The following SAMD5 variants were observed in gnomAD, a reference collection of about 807,000 sequenced individuals.
SAMD5 encodes the protein sterile alpha motif domain-containing protein 5.
SAMD5 carries 13 observed loss-of-function variants against 11.3 expected under a neutral mutation model. That is an observed-to-expected ratio of 1.15 (90% CI 0.75 to 1.83). The LOEUF is 1.83. SAMD5 is among the 40% of genes most tolerant of loss of function. The pLI, the probability that SAMD5 is intolerant of heterozygous loss-of-function variation, is 0.00. For synonymous variants in SAMD5, 129 were observed against 111.3 expected, an observed-to-expected ratio of 1.16 and a Z score of -1.00; for missense variants, 255 against 239.1, an observed-to-expected ratio of 1.07 and a Z score of -0.44.
the SAMD5 span, among the ~76,000 whole-genome samples, chr6:147,913,683 G>A: frequency 3.9e-5 from 6 of 152,246 alleles, no homozygotes; most frequent in South Asian, 2.1e-4. Context: ...GTGACAGAGC[G>A]AGACTCTGTC....
chr6:147,555,334 C>G (rs562457875), intron 1 of SAMD5, among the ~76,000 whole-genome samples: 1 of 152,308 alleles, frequency 6.6e-6, no homozygotes, highest in African/African-American at 2.4e-5. Context: ...CAACTGAGAA[C>G]AAGCCATGCT....
intron 1 of SAMD5, among the ~76,000 whole-genome samples, chr6:147,552,473 A>G (rs1302410288): frequency 6.6e-6 from 1 of 152,242 alleles, no homozygotes; most frequent in Non-Finnish European, 1.5e-5. Context: ...GTGGCTCCCA[A>G]TCCAAAGAAC....
intron 1 of SAMD5, among the ~76,000 whole-genome samples, chr6:147,611,271 G>A (rs17054214): frequency 0.018 from 2,789 of 152,216 alleles, 81 homozygotes; most frequent in African/African-American, 0.064. Flanking sequence ...AAGAAGAGAC[G>A]GAGAATGATA....
At chr6:147,924,630 A>G in the SAMD5 span, among the ~76,000 whole-genome samples, 2 of 152,004 alleles carry the variant, frequency 1.3e-5, no homozygotes, top group Non-Finnish European at 2.9e-5. Context: ...ATATATAAAT[A>G]AACCGAACAA....
At chr6:147,705,582 C>G (rs1201134690) in intron 1 of SAMD5, among the ~76,000 whole-genome samples, 1 of 152,108 alleles carries the variant, frequency 6.6e-6, no homozygotes, top group African/African-American at 2.4e-5. Flanking sequence ...CTACTGTATC[C>G]TCTCATGTGT....
chr6:147,847,269 T>C, the SAMD5 span, among the ~76,000 whole-genome samples: 1 of 152,220 alleles, frequency 6.6e-6, no homozygotes, highest in South Asian at 2.1e-4. Context: ...AGCAGTCTAA[T>C]TCAAGTGTTC....
chr6:147,634,779 T>C (rs1035595614), intron 1 of SAMD5, among the ~76,000 whole-genome samples: 2 of 152,146 alleles, frequency 1.3e-5, no homozygotes, highest in African/African-American at 4.8e-5. Context: ...GAAGTCAATG[T>C]GGAAAAAATG....
chr6:147,828,950 T>C, the SAMD5 span, among the ~76,000 whole-genome samples: 2 of 152,114 alleles, frequency 1.3e-5, no homozygotes, highest in Non-Finnish European at 2.9e-5. Context: ...CAGAAGAGGA[T>C]AGATGAAACC....
At chr6:147,579,452 G>C (rs1338349245) in intron 1 of SAMD5, among the ~76,000 whole-genome samples, 2 of 124,074 alleles carry the variant, frequency 1.6e-5, no homozygotes, top group African/African-American at 6.2e-5. Context: ...AGCAGGCTTT[G>C]AATTTTTTTT....
chr6:147,816,806 C>T, the SAMD5 span, among the ~76,000 whole-genome samples: 21 of 152,206 alleles, frequency 1.4e-4, no homozygotes, highest in East Asian at 3.7e-3. Context: ...AACTCTTGCA[C>T]AGAAAATGAT....
chr6:147,576,644 A>G (rs1377231538), intron 1 of SAMD5, among the ~76,000 whole-genome samples: 1 of 152,182 alleles, frequency 6.6e-6, no homozygotes, highest in African/African-American at 2.4e-5. Context: ...GTTTCATTCA[A>G]TCCTTCTAGC....
At chr6:147,945,283 C>A in the SAMD5 span, among the ~76,000 whole-genome samples, 60,606 of 151,986 alleles carry the variant, frequency 0.4, 13,127 homozygotes, top group Middle Eastern at 0.56. Context: ...TCAAGATATC[C>A]ACAGCCAGAA....
At chr6:147,877,914 GC>G in the SAMD5 span, among the ~76,000 whole-genome samples, 1 of 8,848 alleles carries the variant, frequency 1.1e-4, no homozygotes, top group Admixed American at 1.2e-3. Context: ...TAGATAGCTA[GC>G]TAGCTAGCTA....
At chr6:147,661,205 A>G (rs957160237) in intron 1 of SAMD5, among the ~76,000 whole-genome samples, 2 of 152,174 alleles carry the variant, frequency 1.3e-5, no homozygotes, top group Non-Finnish European at 2.9e-5. Context: ...GAGATTCCTA[A>G]TAATTGTCAT....
chr6:147,633,654 T>C (rs931891306), intron 1 of SAMD5, among the ~76,000 whole-genome samples: 1 of 151,914 alleles, frequency 6.6e-6, no homozygotes, highest in East Asian at 1.9e-4. Flanking sequence ...TTGAACCCAA[T>C]CTGGTAATTT....
rs201639504 is a variant in SAMD5 at position 147,540,767 on chromosome 6, C to CAG, written c.460-23618_460-23617dup. On this transcript the variant is annotated intron_variant, in intron 1 of 1. Coordinates refer to ENST00000367474, the MANE Select transcript of SAMD5 (RefSeq NM_001030060.3). ...TAGTGACATTTACTGTTTACCCAGA[C>CAG]AGAGAGAGAGGGGGGGGGTCCAGAA... Among the ~76,000 whole-genome samples the CAG allele has an allele frequency of 1.9e-3, 267 of 142,548 alleles. 3 individuals carry two copies. Among genetic ancestry groups the CAG allele is most frequent in the East Asian group, 0.016 (75 of 4,624 alleles). The allele number at this position is 142,548 out of a possible 152,430, so 93.5% of individuals were successfully genotyped here.
intron 1 of SAMD5, among the ~76,000 whole-genome samples, chr6:147,622,199 G>A (rs1789981282): frequency 6.6e-6 from 1 of 152,108 alleles, no homozygotes; most frequent in Non-Finnish European, 1.5e-5. Flanking sequence ...TCCTCAGATG[G>A]ATGTTCAAGT....
the SAMD5 span, among the ~76,000 whole-genome samples, chr6:147,764,964 T>C: frequency 6.6e-6 from 1 of 151,940 alleles, no homozygotes. Flanking sequence ...AATAATAACA[T>C]TTACAGTTTA....
the SAMD5 span, among the ~76,000 whole-genome samples, chr6:147,945,588 A>G: frequency 6.6e-6 from 1 of 152,116 alleles, no homozygotes; most frequent in Non-Finnish European, 1.5e-5. Context: ...AAGTAGAAAA[A>G]CTTCCTAGAG....
Sources: allele counts gnomAD v4.1 joint callset (sites outside exome capture counted in the v4.1 genomes callset), GRCh38; gene constraint gnomAD v4.1.1; transcripts MANE v1.5; gene names NCBI Gene and HGNC (gene_info 2026-07-23, HGNC 2026-07-21).